The following MAGI1 variants were observed in gnomAD, a reference collection of about 807,000 sequenced individuals.
MAGI1 encodes the protein membrane-associated guanylate kinase, WW and PDZ domain-containing protein 1.
In MAGI1, 58 loss-of-function variants were observed where a neutral mutation model predicts 139.9. That is an observed-to-expected ratio of 0.41 (90% confidence interval 0.34 to 0.52). MAGI1 has a LOEUF of 0.52. MAGI1 is among the 20% of genes least tolerant of loss of function. The pLI is 0.12. For synonymous variants in MAGI1, 812 were observed against 737.9 expected, an observed-to-expected ratio of 1.10 and a Z score of -1.63; for missense variants, 1,874 against 1,901.6, an observed-to-expected ratio of 0.99 and a Z score of 0.27.
At chr3:65,589,176 T>G (rs1228218271) in intron 2 of MAGI1, among the ~76,000 whole-genome samples, 5 of 152,162 alleles carry the variant, frequency 3.3e-5, no homozygotes, top group African/African-American at 1.2e-4. Flanking sequence ...TGATTTAAAA[T>G]GATGGCAAGA....
intron 5 of MAGI1, among the ~76,000 whole-genome samples, chr3:65,466,692 C>G (rs549960023): frequency 6.6e-6 from 1 of 152,296 alleles, no homozygotes; most frequent in South Asian, 2.1e-4. Context: ...GAGGGTGTTT[C>G]ATTACTGCCA....
intron 12 of MAGI1, 117 bp downstream of exon 12, chr3:65,429,403 C>T (rs1575713366): frequency 1.9e-6 from 2 of 1,073,748 alleles, no homozygotes; most frequent in Non-Finnish European, 2.7e-6. Context: ...AATCAGTAGG[C>T]ATTTTGAAAC....
intron 1 of MAGI1, among the ~76,000 whole-genome samples, chr3:65,637,486 C>A (rs2084693804): frequency 2.0e-5 from 3 of 151,306 alleles, no homozygotes; most frequent in Middle Eastern, 3.4e-3. Context: ...CCTGGGAAAT[C>A]AAGGCTGCAG....
intron 2 of MAGI1, among the ~76,000 whole-genome samples, chr3:65,507,329 T>A (rs1332446695): frequency 1.3e-5 from 2 of 152,192 alleles, no homozygotes; most frequent in Non-Finnish European, 2.9e-5. Flanking sequence ...TTGAAGGGGT[T>A]TTAGATTTGG....
intron 12 of MAGI1, 123 bp downstream of exon 12, chr3:65,429,397 A>G (rs1947314548): frequency 9.7e-7 from 1 of 1,027,700 alleles, no homozygotes; most frequent in East Asian, 2.5e-5. Flanking sequence ...TGGAGAAATC[A>G]GTAGGCATTT....
At chr3:65,845,618 T>A (rs2058965624) in intron 1 of MAGI1, among the ~76,000 whole-genome samples, 1 of 152,204 alleles carries the variant, frequency 6.6e-6, no homozygotes, top group East Asian at 1.9e-4. Flanking sequence ...CCTCAACATA[T>A]TTCTACCACA....
rs934691709 is a variant in MAGI1, at chr3:65,937,516, C to G, written c.313+100480G>C. On this transcript the variant is annotated intron_variant, in intron 1 of 22. Transcript: ENST00000402939. ...GGCTGAGAGCACTCCCCTGGTGAAG[C>G]AATTTGTGGATGATGGTCTGACCAC... Among the ~76,000 whole-genome samples, 5 of 152,122 alleles carry G rather than the reference C, an allele frequency of 3.3e-5. No individual in the cohort carries two copies. In the East Asian group the frequency reaches 5.8e-4, roughly 18 times the overall value.
At chr3:65,880,564 T>C (rs1395793646) in intron 1 of MAGI1, among the ~76,000 whole-genome samples, 2 of 152,176 alleles carry the variant, frequency 1.3e-5, no homozygotes, top group Admixed American at 6.5e-5. Flanking sequence ...CCAAAACAAA[T>C]ATCTTTATGA....
At chr3:65,568,892 T>C (rs1431029627) in intron 2 of MAGI1, among the ~76,000 whole-genome samples, 1 of 152,250 alleles carries the variant, frequency 6.6e-6, no homozygotes, top group Non-Finnish European at 1.5e-5. Context: ...AGCAATGAGT[T>C]CATAATAATA....
chr3:65,866,140 AT>A (rs1337581297), intron 1 of MAGI1, among the ~76,000 whole-genome samples: 1 of 151,492 alleles, frequency 6.6e-6, no homozygotes. Context: ...AAACATGTAA[AT>A]TATATAAAAT....
chr3:65,360,679 C>T, intron 22 of MAGI1: 1 of 986,784 alleles, frequency 1.0e-6, no homozygotes, highest in Non-Finnish European at 1.2e-6. Context: ...GGGTAAGACA[C>T]CAGTTGGGGG....
intron 1 of MAGI1, among the ~76,000 whole-genome samples, chr3:66,026,854 G>C (rs546142687): frequency 6.6e-6 from 1 of 151,718 alleles, no homozygotes; most frequent in South Asian, 2.1e-4. Context: ...CACCAAGCAT[G>C]TCTCTCTGGC....
intron 1 of MAGI1, among the ~76,000 whole-genome samples, chr3:65,952,013 T>G (rs557940119): frequency 8.6e-4 from 131 of 152,330 alleles, no homozygotes; most frequent in Non-Finnish European, 1.3e-3. Flanking sequence ...AGATTCCTAC[T>G]GACGACAAAG....
intron 6 of MAGI1, 30 bp from the exon 7 acceptor site, chr3:65,448,087 A>G: frequency 1.2e-6 from 2 of 1,611,340 alleles, no homozygotes; most frequent in Non-Finnish European, 1.7e-6. Context: ...GGAATGAGAC[A>G]GAAAAGAGAG....
chr3:65,446,269 A>T (rs903191681), intron 7 of MAGI1, among the ~76,000 whole-genome samples: 1 of 152,214 alleles, frequency 6.6e-6, no homozygotes, highest in Non-Finnish European at 1.5e-5. Flanking sequence ...AAGTCACCTC[A>T]TAAGCACCAT....
intron 2 of MAGI1, among the ~76,000 whole-genome samples, chr3:65,495,014 G>C (rs1008809110): frequency 1.3e-5 from 2 of 152,160 alleles, no homozygotes. Flanking sequence ...CTCTTACACT[G>C]TTTCCTAATT....
At chr3:65,682,000 TG>T (rs2087623771) in intron 1 of MAGI1, among the ~76,000 whole-genome samples, 1 of 152,182 alleles carries the variant, frequency 6.6e-6, no homozygotes, top group Non-Finnish European at 1.5e-5. Context: ...TTTGTCCAGC[TG>T]AGTTTGGCAG....
intron 1 of MAGI1, among the ~76,000 whole-genome samples, chr3:65,808,654 T>C (rs569257433): frequency 6.6e-6 from 1 of 152,288 alleles, no homozygotes; most frequent in East Asian, 1.9e-4. Context: ...ACAAGTTACA[T>C]ACCCGTGGGA....
At chr3:65,984,859 T>C (rs1198657282) in intron 1 of MAGI1, among the ~76,000 whole-genome samples, 1 of 151,996 alleles carries the variant, frequency 6.6e-6, no homozygotes, top group Non-Finnish European at 1.5e-5. Flanking sequence ...CAAAATACCA[T>C]TTCATTCTCA....
Sources: allele counts gnomAD v4.1 joint callset (sites outside exome capture counted in the v4.1 genomes callset), GRCh38; gene constraint gnomAD v4.1.1; transcripts MANE v1.5; gene names NCBI Gene and HGNC (gene_info 2026-07-23, HGNC 2026-07-21).